The following SGCZ variants were observed in gnomAD, a reference collection of about 807,000 sequenced individuals.
SGCZ encodes the protein sarcoglycan zeta.
In SGCZ, 40 loss-of-function variants were observed where a neutral mutation model predicts 41.3. The ratio of observed to expected loss-of-function variants is 0.97; its 90% CI spans 0.75 to 1.26. The LOEUF is 1.26. Ranked by LOEUF, SGCZ falls within the 50% of genes most tolerant of loss-of-function variation. The pLI, the probability that SGCZ is intolerant of heterozygous loss-of-function variation, is 0.00. For missense variants in SGCZ, 552 were observed against 369.8 expected (o/e 1.49, Z -4.04); for synonymous variants, 206 against 137.5 (o/e 1.50, Z -3.49).
intron 2 of SGCZ, among the ~76,000 whole-genome samples, chr8:14,465,265 G>C (rs1392556364): frequency 6.6e-6 from 1 of 151,632 alleles, no homozygotes; most frequent in East Asian, 1.9e-4. Flanking sequence ...GTACATAAAT[G>C]TTTATAGTTA....
intron 4 of SGCZ, among the ~76,000 whole-genome samples, chr8:14,191,567 A>G (rs963276869): frequency 1.3e-4 from 20 of 152,176 alleles, no homozygotes; most frequent in Non-Finnish European, 2.5e-4. Context: ...GGAAATGTAC[A>G]AAACACCTCA....
At chr8:15,090,274 C>G (rs944772858) in intron 1 of SGCZ, among the ~76,000 whole-genome samples, 2 of 152,186 alleles carry the variant, frequency 1.3e-5, no homozygotes, top group African/African-American at 4.8e-5. Flanking sequence ...ACAAAAAATA[C>G]CATGTATTTT....
At chr8:14,172,198 T>G (rs1249218583) in intron 4 of SGCZ, among the ~76,000 whole-genome samples, 1 of 152,128 alleles carries the variant, frequency 6.6e-6, no homozygotes, top group South Asian at 2.1e-4. Context: ...AAAGACTTAT[T>G]TTTTGTTCAT....
chr8:14,808,394 C>A (rs1434312973), intron 1 of SGCZ, among the ~76,000 whole-genome samples: 4 of 151,898 alleles, frequency 2.6e-5, no homozygotes, highest in Non-Finnish European at 5.9e-5. Context: ...AGAAAAAAAA[C>A]AAACAACCCC....
At chr8:14,393,216 A>G (rs7845179) in intron 2 of SGCZ, among the ~76,000 whole-genome samples, 25,737 of 152,116 alleles carry the variant, frequency 0.17, 5,147 homozygotes, top group African/African-American at 0.48. Context: ...GATAGTAAAT[A>G]TATGGGAGTC....
chr8:15,044,969 G>A (rs766819333), intron 1 of SGCZ, among the ~76,000 whole-genome samples: 26 of 152,058 alleles, frequency 1.7e-4, no homozygotes, highest in Non-Finnish European at 2.9e-4. Flanking sequence ...AAAAAGTAAA[G>A]CTCATTAAAA....
chr8:15,225,515 T>C (rs1477932360), intron 1 of SGCZ, among the ~76,000 whole-genome samples: 4 of 152,184 alleles, frequency 2.6e-5, no homozygotes, highest in African/African-American at 9.6e-5. Context: ...TGCACGCACA[T>C]GCACGTGTTC....
chr8:14,385,926 T>C lies in SGCZ; in HGVS notation c.235-61722A>G, dbSNP rs141411843. ...ATAGTATTTGCAAATAACCTACACATATCCTCTCCTATACTTTAAATCATC... is the reference window on the plus strand; with the variant it reads ...ATAGTATTTGCAAATAACCTACACACATCCTCTCCTATACTTTAAATCATC... On this transcript the variant is annotated intron_variant, in intron 2 of 7. Transcript: ENST00000382080. 2.9e-3 allele frequency among the ~76,000 whole-genome samples: 435 copies of C among 152,294 alleles called. 2 individuals are homozygous for C. The highest frequency in any genetic ancestry group is 6.6e-3 in the South Asian group (32 of 4,832).
chr8:14,605,629 G>T (rs1171589162), intron 1 of SGCZ, among the ~76,000 whole-genome samples: 1 of 151,882 alleles, frequency 6.6e-6, no homozygotes, highest in Non-Finnish European at 1.5e-5. Flanking sequence ...TTAATTTTTA[G>T]GTTCCACAAA....
chr8:14,810,972 C>A (rs1204720892), intron 1 of SGCZ, among the ~76,000 whole-genome samples: 2 of 151,992 alleles, frequency 1.3e-5, no homozygotes, highest in East Asian at 1.9e-4. Context: ...TAGTTTATAT[C>A]ATTTGGAATT....
chr8:14,958,385 T>G (rs78261553), intron 1 of SGCZ, among the ~76,000 whole-genome samples: 5 of 151,988 alleles, frequency 3.3e-5, no homozygotes, highest in Non-Finnish European at 7.4e-5. Flanking sequence ...GTTCATACAA[T>G]GGAATATTTA....
chr8:15,097,800 GTA>G (rs10524070), intron 1 of SGCZ, among the ~76,000 whole-genome samples: 13,155 of 124,276 alleles, frequency 0.11, 1,523 homozygotes, highest in African/African-American at 0.27. Flanking sequence ...ATATATACGT[GTA>G]TATATATATA....
intron 1 of SGCZ, among the ~76,000 whole-genome samples, chr8:14,668,598 G>A (rs1807990925): frequency 1.3e-5 from 2 of 151,838 alleles, no homozygotes; most frequent in African/African-American, 2.4e-5. Flanking sequence ...TTTCCTCTAT[G>A]TGTCTTATAA....
chr8:15,035,723 T>A lies in SGCZ; in HGVS notation c.39+201862A>T, dbSNP rs544726304. ...AGTAAAATAAAATTGAAGTCAAAACTGTCAAACAAGACAAAAAGGTCAGTA... is the reference window on the plus strand; with the variant it reads ...AGTAAAATAAAATTGAAGTCAAAACAGTCAAACAAGACAAAAAGGTCAGTA... On this transcript the variant is annotated intron_variant, in intron 1 of 7. Transcript: ENST00000382080. Among the ~76,000 whole-genome samples, 7 of 152,154 alleles carry A rather than the reference T, an allele frequency of 4.6e-5. No homozygotes were observed. In the South Asian group the frequency reaches 1.5e-3, roughly 32 times the overall value.
chr8:14,583,723 C>A (rs767289173), intron 1 of SGCZ, among the ~76,000 whole-genome samples: 16 of 151,956 alleles, frequency 1.1e-4, no homozygotes, highest in Admixed American at 3.3e-4. Context: ...AATAATTTGT[C>A]TTTAATACTT....
At chr8:14,500,747 T>C (rs1443067521) in intron 2 of SGCZ, among the ~76,000 whole-genome samples, 1 of 152,104 alleles carries the variant, frequency 6.6e-6, no homozygotes, top group East Asian at 1.9e-4. Context: ...AAGTAAATTT[T>C]AGTAGTATAT....
intron 3 of SGCZ, among the ~76,000 whole-genome samples, chr8:14,312,923 A>T (rs1446439528): frequency 6.6e-6 from 1 of 152,146 alleles, no homozygotes. Flanking sequence ...ATAATAATAG[A>T]ATTCTATAGA....
At chr8:14,589,515 C>A (rs528218169) in intron 1 of SGCZ, among the ~76,000 whole-genome samples, 2 of 152,188 alleles carry the variant, frequency 1.3e-5, no homozygotes, top group South Asian at 2.1e-4. Context: ...GAATTTTAGA[C>A]AATACTGGTT....
At chr8:14,572,113 G>A (rs1438358020) in intron 1 of SGCZ, among the ~76,000 whole-genome samples, 1 of 152,114 alleles carries the variant, frequency 6.6e-6, no homozygotes, top group African/African-American at 2.4e-5. Context: ...TCATGATACA[G>A]CATTAAGATG....
Sources: gnomAD v4.1 joint callset for allele counts (sites outside exome capture counted in the v4.1 genomes callset) on GRCh38, gnomAD v4.1.1 for gene constraint, MANE v1.5 for transcripts, NCBI Gene and HGNC (gene_info 2026-07-23, HGNC 2026-07-21) for gene names.